The following RPS6KA6 variants were observed in gnomAD, a reference collection of about 807,000 sequenced individuals.
RPS6KA6 encodes ribosomal protein S6 kinase A6.
Under a neutral mutation model 65.4 loss-of-function variants are expected in RPS6KA6, and 27 were observed. That is an observed-to-expected ratio of 0.41 (90% confidence interval 0.30 to 0.57). RPS6KA6 has a LOEUF of 0.57. RPS6KA6 is among the 20% of genes least tolerant of loss of function. The pLI is 0.24. For missense variants in RPS6KA6, 486 were observed against 555.6 expected (o/e 0.87, Z 1.26); for synonymous variants, 190 against 184.2 (o/e 1.03, Z -0.26).
At chrX:84,158,057 A>C (rs2035445581) in intron 2 of RPS6KA6, among the ~76,000 whole-genome samples, 1 of 109,782 alleles carries the variant, frequency 9.1e-6, no homozygotes, top group South Asian at 3.9e-4. Context: ...TTTCTTTCCC[A>C]CTGGACTGTG....
intron 3 of RPS6KA6, among the ~76,000 whole-genome samples, chrX:84,149,409 G>A (rs910445938): frequency 1.7e-4 from 19 of 112,010 alleles, no homozygotes; most frequent in Middle Eastern, 4.6e-3. Flanking sequence ...GCTTTGCCCA[G>A]ATTCATCAGA....
At chrX:84,094,308 GAAAAAAAAAA>G (rs144397619) in intron 20 of RPS6KA6, among the ~76,000 whole-genome samples, 1 of 68,515 alleles carries the variant, frequency 1.5e-5, no homozygotes, top group Non-Finnish European at 2.6e-5. Context: ...GCCTTAAAGG[GAAAAAAAAAA>G]AAAAAAAAAA....
intron 18 of RPS6KA6, among the ~76,000 whole-genome samples, chrX:84,098,055 CT>C (rs1219835707): frequency 4.5e-5 from 5 of 111,065 alleles, no homozygotes; most frequent in African/African-American, 1.6e-4. Flanking sequence ...GAAATCTAAA[CT>C]TAAGATTAAC....
At chrX:84,116,936 A>C in intron 11 of RPS6KA6, 124 bp downstream of exon 11, 1 of 430,063 alleles carries the variant, frequency 2.3e-6, no homozygotes, top group Non-Finnish European at 3.9e-6. Context: ...TGAAATGCAC[A>C]CACAAAATGA....
intron 8 of RPS6KA6, among the ~76,000 whole-genome samples, chrX:84,124,378 T>C (rs1190538739): frequency 1.8e-5 from 2 of 111,637 alleles, no homozygotes; most frequent in Non-Finnish European, 3.8e-5. Context: ...TCAAAATAGC[T>C]CTGTTGAGGA....
In RPS6KA6 at chrX:84,187,975, C is replaced by CCCGCCGCCGCCG. The variant is rs751602149; in HGVS notation, c.-88_-77dup. 7.9e-6 allele frequency: 6 copies of CCCGCCGCCGCCG among 755,654 alleles called. No individual in the cohort carries two copies. Among genetic ancestry groups the CCCGCCGCCGCCG allele is most frequent in the Middle Eastern group, 3.8e-4 (1 of 2,659 alleles). The allele number at this position is 755,654 out of a possible 1,213,427, so 62.3% of individuals were successfully genotyped here. A position where few individuals can be genotyped will look rare whatever the true frequency, so the allele number is the denominator to read the frequency against. Reference sequence around the variant, plus strand: ...CCGCGCATCCTGTCTATTGAACTGGCCCGCCGCCGCCGCCGCCGCCGCCGC... The same window carrying CCCGCCGCCGCCG: ...CCGCGCATCCTGTCTATTGAACTGGCCCGCCGCCGCCGCCGCCGCCGCCGCCGCCGCCGCCGC... On this transcript the variant is annotated 5_prime_UTR_variant, in exon 1 of 22. Coordinates refer to ENST00000262752, the MANE Select transcript of RPS6KA6 (RefSeq NM_014496.5).
At chrX:84,171,781 T>C (rs1035585611) in intron 1 of RPS6KA6, among the ~76,000 whole-genome samples, 5 of 110,981 alleles carry the variant, frequency 4.5e-5, no homozygotes, top group African/African-American at 1.6e-4. Flanking sequence ...GCCATCTAGG[T>C]TTTAAGCTCC....
intron 12 of RPS6KA6, among the ~76,000 whole-genome samples, chrX:84,109,783 T>C (rs1436038307): frequency 9.0e-6 from 1 of 110,587 alleles, no homozygotes; most frequent in African/African-American, 3.3e-5. Flanking sequence ...GTCTAGAGAC[T>C]TAACAAGTCC....
chrX:84,105,910 CA>C (rs1377741297), intron 15 of RPS6KA6, 34 bp from the exon 16 acceptor site: 1 of 801,214 alleles, frequency 1.2e-6, no homozygotes, highest in Non-Finnish European at 1.8e-6. Flanking sequence ...ATATCTGAGG[CA>C]AACAAATTAT....
intron 20 of RPS6KA6, among the ~76,000 whole-genome samples, chrX:84,095,553 T>C (rs1378029011): frequency 9.0e-6 from 1 of 111,435 alleles, no homozygotes. Context: ...GTATAAAATA[T>C]ATAGTACATT....
chrX:84,103,383 G>C (rs192432419), intron 17 of RPS6KA6, among the ~76,000 whole-genome samples: 1 of 110,692 alleles, frequency 9.0e-6, no homozygotes, highest in Admixed American at 9.6e-5. Context: ...ATGTAGGACT[G>C]GTAAAAAAAA....
chrX:84,120,442 C>T (rs1300673269), intron 8 of RPS6KA6, among the ~76,000 whole-genome samples: 1 of 111,323 alleles, frequency 9.0e-6, no homozygotes, highest in Admixed American at 9.6e-5. Context: ...TTGTTCAAAG[C>T]CTTCAAGGAG....
At chrX:84,167,898 A>G (rs2035623240) in intron 1 of RPS6KA6, among the ~76,000 whole-genome samples, 2 of 111,121 alleles carry the variant, frequency 1.8e-5, no homozygotes, top group African/African-American at 6.6e-5. Context: ...CCCTACATGA[A>G]AAAGAGTGAA....
intron 20 of RPS6KA6, among the ~76,000 whole-genome samples, chrX:84,070,565 C>CA (rs965412973): frequency 8.4e-5 from 9 of 107,361 alleles, no homozygotes; most frequent in African/African-American, 1.7e-4. Context: ...TAAAATTAAC[C>CA]AAAAAAAAAC....
intron 20 of RPS6KA6, among the ~76,000 whole-genome samples, chrX:84,071,240 C>T (rs1218384778): frequency 4.5e-5 from 5 of 111,482 alleles, no homozygotes; most frequent in Non-Finnish European, 7.5e-5. Context: ...AATTATCTAG[C>T]AGATTACTAC....
intron 1 of RPS6KA6, among the ~76,000 whole-genome samples, chrX:84,167,357 A>G (rs2035613780): frequency 8.9e-6 from 1 of 112,343 alleles, no homozygotes; most frequent in Non-Finnish European, 1.9e-5. Flanking sequence ...TTACTCATCA[A>G]TAAAAAGAAG....
chrX:84,100,298 G>GA (rs1199277060), intron 18 of RPS6KA6, among the ~76,000 whole-genome samples: 3 of 110,245 alleles, frequency 2.7e-5, no homozygotes, highest in Admixed American at 9.7e-5. Flanking sequence ...CGTCTGTTGG[G>GA]AAAAAAACAT....
Position 84,062,316 on chromosome X carries a change from T to C in RPS6KA6, c.*1961A>G, listed in dbSNP as rs1227943656. ...CTTCCCCTAATTTTATTACTTAAAATGCATCCATGGAAATAGTATCTCTGT... is the reference window on the plus strand; with the variant it reads ...CTTCCCCTAATTTTATTACTTAAAACGCATCCATGGAAATAGTATCTCTGT... On this transcript the variant is annotated 3_prime_UTR_variant, in exon 22 of 22. Coordinates refer to ENST00000262752, the MANE Select transcript of RPS6KA6 (RefSeq NM_014496.5). 8.9e-6 allele frequency: 1 copy of C among 111,733 alleles called. No homozygotes were observed. Among genetic ancestry groups the C allele is most frequent in the African/African-American group, 3.2e-5 (1 of 30,801 alleles). 9.2% of individuals were successfully genotyped at this position (111,733 alleles called of 1,213,427 possible). A position where few individuals can be genotyped will look rare whatever the true frequency, so the allele number is the denominator to read the frequency against.
At chrX:84,166,354 A>G (rs149785374) in intron 1 of RPS6KA6, among the ~76,000 whole-genome samples, 662 of 112,008 alleles carry the variant, frequency 5.9e-3, no homozygotes, top group African/African-American at 0.02. Flanking sequence ...GGATAAAAAT[A>G]AACACACCTG....
Sources: gnomAD v4.1 joint callset for allele counts (sites outside exome capture counted in the v4.1 genomes callset) on GRCh38, gnomAD v4.1.1 for gene constraint, MANE v1.5 for transcripts, NCBI Gene and HGNC (gene_info 2026-07-23, HGNC 2026-07-21) for gene names.